Variants in KIF9 observed in about 807,000 individuals in gnomAD.
KIF9 encodes the protein kinesin family member 9, also known as kinesin-like protein KIF9.
In KIF9, 68 loss-of-function variants were observed where a neutral mutation model predicts 94.8. That is an observed-to-expected ratio of 0.72 (90% confidence interval 0.59 to 0.88). The LOEUF is 0.88. Ranked by LOEUF, KIF9 falls within the 40% of genes least tolerant of loss-of-function variation. The pLI, the probability that KIF9 is intolerant of heterozygous loss-of-function variation, is 0.00. For synonymous variants in KIF9, 343 were observed against 362.1 expected, an observed-to-expected ratio of 0.95 and a Z score of 0.60; for missense variants, 882 against 982.5, an observed-to-expected ratio of 0.90 and a Z score of 1.37.
chr3:47,252,960 C>A (rs1260546256), intron 10 of KIF9, among the ~76,000 whole-genome samples: 1 of 151,852 alleles, frequency 6.6e-6, no homozygotes. Flanking sequence ...TTGCAGTGAG[C>A]CGACATTGTG....
intron 18 of KIF9, 137 bp from the exon 19 acceptor site, chr3:47,236,286 G>C: frequency 1.0e-6 from 1 of 994,516 alleles, no homozygotes; most frequent in Non-Finnish European, 1.5e-6. Context: ...CTCCATCTCT[G>C]GCCCTCACAG....
intron 20 of KIF9, among the ~76,000 whole-genome samples, chr3:47,232,356 C>T (rs1201230242): frequency 6.6e-6 from 1 of 152,080 alleles, no homozygotes; most frequent in Non-Finnish European, 1.5e-5. Context: ...GCGATCTCAG[C>T]TCACCGCAAC....
chr3:47,263,120 C>G (rs1283218878), intron 9 of KIF9, among the ~76,000 whole-genome samples: 1 of 152,190 alleles, frequency 6.6e-6, no homozygotes, highest in African/African-American at 2.4e-5. Context: ...TGGTCTTGAA[C>G]TCCTGACCTC....
In KIF9 at chr3:47,243,061, G is replaced by GT. The variant is rs747455118; in HGVS notation, c.1698dup (p.Arg567ThrfsTer4). The GT allele has an allele frequency of 5.6e-6, 9 of 1,604,992 alleles. No individual in the cohort carries two copies. In the East Asian group the frequency reaches 1.1e-4, roughly 20 times the overall value. ...ACATTAGCTGATTACCTAATTGGGCGTAATTCCTCCTTCGGGGAGTCTGAG... is the reference window on the plus strand; with the variant it reads ...ACATTAGCTGATTACCTAATTGGGCGTTAATTCCTCCTTCGGGGAGTCTGAG... On this transcript the variant is annotated frameshift_variant, in exon 16 of 21. Transcript: ENST00000684063. LOFTEE classifies it high-confidence loss of function.
chr3:47,265,943 C>T, intron 7 of KIF9, 66 bp from the exon 8 acceptor site: 1 of 1,557,676 alleles, frequency 6.4e-7, no homozygotes. Flanking sequence ...GAATAGCAGT[C>T]TTCCTGGTCT....
At chr3:47,245,555 C>T in intron 13 of KIF9, 44 bp from the exon 14 acceptor site, 14 of 1,453,710 alleles carry the variant, frequency 9.6e-6, no homozygotes, top group Non-Finnish European at 1.4e-5. Context: ...TGGGGCCATG[C>T]TGAATCCACT....
chr3:47,265,299 A>T (rs1438400405), intron 8 of KIF9, among the ~76,000 whole-genome samples: 2 of 152,150 alleles, frequency 1.3e-5, no homozygotes, highest in Non-Finnish European at 2.9e-5. Context: ...ACAATCAGAC[A>T]CTAGTGACTG....
intron 9 of KIF9, chr3:47,263,998 C>T (rs1701137429): frequency 1.9e-6 from 1 of 528,182 alleles, no homozygotes; most frequent in Non-Finnish European, 3.7e-6. Flanking sequence ...CCCCAGGAAA[C>T]ATGGTCCTTG....
At chr3:47,277,194 C>T (rs1256330654) in intron 2 of KIF9, 88 bp downstream of exon 2, 3 of 946,884 alleles carry the variant, frequency 3.2e-6, no homozygotes, top group Non-Finnish European at 5.0e-6. Context: ...TGTCTTGGTC[C>T]TTCAAAGGTT....
At chr3:47,235,912 G>T (rs2107073180) in intron 19 of KIF9, 122 bp downstream of exon 19, 2 of 748,872 alleles carry the variant, frequency 2.7e-6, no homozygotes, top group Non-Finnish European at 4.6e-6. Flanking sequence ...GCCTGGGCTG[G>T]CTGTGGAGAG....
chr3:47,240,019 G>A, intron 17 of KIF9: 2 of 1,080,820 alleles, frequency 1.9e-6, no homozygotes, highest in Non-Finnish European at 2.5e-6. Context: ...TGCAGGTCCT[G>A]GGCCCTGCTC....
At chr3:47,258,761 C>T (rs1005557086) in intron 9 of KIF9, among the ~76,000 whole-genome samples, 4 of 152,230 alleles carry the variant, frequency 2.6e-5, no homozygotes, top group Non-Finnish European at 5.9e-5. Context: ...GCAGATGCTG[C>T]CATGCTTCCT....
At position 47,266,991 on chromosome 3, in the gene KIF9, C is replaced by A. The variant is rs1423392975; in HGVS notation, c.753G>T (p.Arg251Ser). ...INLVDLAGSE[R>S]LGKSGSEGQV... The stretch of plus-strand genomic sequence containing the variant: ...CATCACTTACCCCAGACTTCCCCAG[C>A]CTCTCTGAGCCTGCCAGATCCACCA... The change falls in exon 7 of 21, where the codon AGG becomes AGT. Residue 251 changes from arginine to serine, a missense_variant. Arg to Ser is a moderately radical substitution (Grantham distance 110, BLOSUM62 -1). Coordinates refer to ENST00000684063, the MANE Select transcript of KIF9 (RefSeq NM_182902.4). 6.2e-7 allele frequency: 1 copy of A among 1,613,630 alleles called. No individual in the cohort carries two copies. The highest frequency in any genetic ancestry group is 8.5e-7 in the Non-Finnish European group (1 of 1,179,874).
intron 10 of KIF9, 73 bp from the exon 11 acceptor site, chr3:47,248,159 CA>C: frequency 9.2e-7 from 1 of 1,085,104 alleles, no homozygotes; most frequent in Non-Finnish European, 1.4e-6. Context: ...TCTTCCACAG[CA>C]AAAGTACAAT....
chr3:47,233,008 A>C (rs1325386490), intron 20 of KIF9, among the ~76,000 whole-genome samples: 1 of 151,006 alleles, frequency 6.6e-6, no homozygotes, highest in Admixed American at 6.6e-5. Context: ...AAAAACCATA[A>C]GGAAAGTCAA....
At chr3:47,235,364 G>A (rs1418410318) in intron 20 of KIF9, 149 bp downstream of exon 20, 1 of 643,222 alleles carries the variant, frequency 1.6e-6, no homozygotes, top group Non-Finnish European at 2.7e-6. Context: ...TTGCAGTCTA[G>A]TTGGCAGAAG....
chr3:47,282,201 G>A, intron 1 of KIF9: 1 of 985,532 alleles, frequency 1.0e-6, no homozygotes, highest in Non-Finnish European at 1.2e-6. Context: ...AAACTGACTA[G>A]TACGGAAGAG....
At chr3:47,268,705 C>T (rs1165044389) in intron 5 of KIF9, among the ~76,000 whole-genome samples, 1 of 151,802 alleles carries the variant, frequency 6.6e-6, no homozygotes, top group Admixed American at 6.6e-5. Context: ...ACCTCAGCCT[C>T]CCAGGTAGCT....
At chr3:47,273,972 C>T (rs1701806233) in intron 3 of KIF9, among the ~76,000 whole-genome samples, 1 of 152,164 alleles carries the variant, frequency 6.6e-6, no homozygotes, top group African/African-American at 2.4e-5. Flanking sequence ...GGAACTGGAA[C>T]TTTTCCTAAA....
Sources: allele counts gnomAD v4.1 joint callset (sites outside exome capture counted in the v4.1 genomes callset), GRCh38; gene constraint gnomAD v4.1.1; transcripts MANE v1.5; gene names NCBI Gene and HGNC (gene_info 2026-07-23, HGNC 2026-07-21).